The following ATP9B variants were observed in gnomAD, a reference collection of about 807,000 sequenced individuals.
ATP9B encodes ATPase phospholipid transporting 9B, also known as probable phospholipid-transporting ATPase IIB.
ATP9B carries 110 observed loss-of-function variants against 146.1 expected under a neutral mutation model. The ratio of observed to expected loss-of-function variants is 0.75; its 90% CI spans 0.65 to 0.88. The LOEUF is 0.88. Among genes scored for constraint, ATP9B ranks in the 40% least tolerant of loss-of-function variants. The pLI is 0.00. For synonymous variants in ATP9B, 604 were observed against 569.7 expected (o/e 1.06, Z -0.86); for missense variants, 1,499 against 1,496.4 (o/e 1.00, Z -0.03).
intron 18 of ATP9B, 99 bp from the exon 19 acceptor site, chr18:79,337,180 C>T: frequency 6.9e-7 from 1 of 1,444,094 alleles, no homozygotes; most frequent in Non-Finnish European, 9.5e-7. Flanking sequence ...CACATAGTCA[C>T]CTCCCCCTCT....
chr18:79,247,522 T>G (rs2095979810), intron 11 of ATP9B, among the ~76,000 whole-genome samples: 2 of 152,142 alleles, frequency 1.3e-5, no homozygotes, highest in South Asian at 4.1e-4. Context: ...GCTTGCAAAT[T>G]TTAGTAATAA....
In ATP9B at chr18:79,188,442, G is replaced by T. The variant is rs140280570; in HGVS notation, c.874-4741G>T. ...TTGTTAGAAGTTATAATCAACTGTG[G>T]TTCCTCTTACTGATGACAGTGCTTT... On this transcript the variant is annotated intron_variant, in intron 8 of 29. Coordinates refer to ENST00000426216, the MANE Select transcript of ATP9B (RefSeq NM_198531.5). Among the ~76,000 whole-genome samples, 557 of 152,226 alleles carry T rather than the reference G, an allele frequency of 3.7e-3. 3 individuals are homozygous for T. Among genetic ancestry groups the T allele is most frequent in the South Asian group, 0.024 (113 of 4,806 alleles).
rs1328262284 is a variant in ATP9B at position 79,317,717 on chromosome 18, G to A, written c.1773+10483G>A. On this transcript the variant is annotated intron_variant, in intron 15 of 29. Transcript: ENST00000426216. ...TGGTAAGTTCAGGATTATGCTGGCA[G>A]CAGTGGGATGACTGCCAAAGAGCAG... is the stretch of plus-strand genomic sequence containing the variant. Among the ~76,000 whole-genome samples the A allele has an allele frequency of 3.3e-5, 5 of 152,318 alleles. No homozygotes were observed. The East Asian group carries it at 9.6e-4, about 29-fold the overall frequency.
intron 15 of ATP9B, among the ~76,000 whole-genome samples, chr18:79,327,437 CAT>C (rs2096754032): frequency 6.6e-6 from 1 of 151,404 alleles, no homozygotes; most frequent in African/African-American, 2.4e-5. Context: ...GCGTGCTCTC[CAT>C]GGTTAGTGTG....
chr18:79,123,292 T>C (rs2094221120), intron 4 of ATP9B, among the ~76,000 whole-genome samples: 1 of 152,106 alleles, frequency 6.6e-6, no homozygotes, highest in South Asian at 2.1e-4. Context: ...CAAAATGGAA[T>C]TAGGATAACA....
intron 11 of ATP9B, among the ~76,000 whole-genome samples, chr18:79,247,807 T>G (rs189580593): frequency 1.1e-3 from 173 of 152,354 alleles, no homozygotes; most frequent in Non-Finnish European, 1.2e-3. Flanking sequence ...AAACATTTTA[T>G]ATAATAACTA....
Position 79,352,169 on chromosome 18 carries a change from C to T in ATP9B, c.2903+3973C>T, listed in dbSNP as rs554534975. Reference sequence around the variant, plus strand: ...CTGCCGGCGAGGACCTCACACACAGCGCCACATCATAGCAGCCATTCCTGG... The same window carrying T: ...CTGCCGGCGAGGACCTCACACACAGTGCCACATCATAGCAGCCATTCCTGG... On this transcript the variant is annotated intron_variant, in intron 25 of 29. Coordinates refer to ENST00000426216, the MANE Select transcript of ATP9B (RefSeq NM_198531.5). Among the ~76,000 whole-genome samples, 8 of 152,344 alleles carry T rather than the reference C, an allele frequency of 5.3e-5. No individual in the cohort carries two copies. The South Asian group carries it at 1.2e-3, about 24-fold the overall frequency.
At chr18:79,315,118 C>T (rs1014391970) in intron 15 of ATP9B, among the ~76,000 whole-genome samples, 1 of 152,166 alleles carries the variant, frequency 6.6e-6, no homozygotes, top group African/African-American at 2.4e-5. Flanking sequence ...TAGCTGTCAT[C>T]GCCTGACTCC....
intron 4 of ATP9B, among the ~76,000 whole-genome samples, chr18:79,114,657 C>A (rs533533976): frequency 6.6e-6 from 1 of 152,022 alleles, no homozygotes; most frequent in Non-Finnish European, 1.5e-5. Flanking sequence ...AATATAAACA[C>A]GAAATTACTA....
At chr18:79,178,882 T>TGG (rs2095215550) in intron 8 of ATP9B, among the ~76,000 whole-genome samples, 1 of 152,224 alleles carries the variant, frequency 6.6e-6, no homozygotes, top group Non-Finnish European at 1.5e-5. Flanking sequence ...TATAATGAGT[T>TGG]GGGGAGTCTT....
intron 12 of ATP9B, among the ~76,000 whole-genome samples, chr18:79,268,693 C>T (rs1213219463): frequency 6.6e-6 from 1 of 152,196 alleles, no homozygotes; most frequent in Non-Finnish European, 1.5e-5. Context: ...AACAATATCA[C>T]TGATTTTGTT....
intron 17 of ATP9B, among the ~76,000 whole-genome samples, chr18:79,334,678 T>C (rs1254107525): frequency 6.6e-6 from 1 of 152,120 alleles, no homozygotes; most frequent in African/African-American, 2.4e-5. Flanking sequence ...CCCCCAGACG[T>C]TGGCCCCTTG....
At chr18:79,254,619 C>G (rs1324688216) in intron 12 of ATP9B, 1 of 152,296 alleles carries the variant, frequency 6.6e-6, no homozygotes, top group African/African-American at 2.4e-5. Flanking sequence ...TTGCTGCTGA[C>G]ATAGATTTTC....
intron 17 of ATP9B, among the ~76,000 whole-genome samples, chr18:79,332,422 CCG>C (rs1430168498): frequency 7.9e-5 from 12 of 152,282 alleles, no homozygotes; most frequent in Non-Finnish European, 8.8e-5. Context: ...GAGCGAGACT[CCG>C]TCTCAAAAAA....
Position 79,187,668 on chromosome 18 carries a change from A to C in ATP9B, c.874-5515A>C, listed in dbSNP as rs553475075. ...GCTGCTGAATGGAGTGCACAAAACC[A>C]TTCCAGCAGTTCTCAGAGGACTGTG... On this transcript the variant is annotated intron_variant, in intron 8 of 29. Coordinates refer to ENST00000426216, the MANE Select transcript of ATP9B (RefSeq NM_198531.5). Among the ~76,000 whole-genome samples the C allele has an allele frequency of 8.5e-5, 13 of 152,274 alleles. No homozygotes were observed. In the South Asian group the frequency reaches 2.3e-3, roughly 27 times the overall value.
At chr18:79,363,358 G>GTTA (rs2097001829) in intron 26 of ATP9B, 1 of 5,104 alleles carries the variant, frequency 2.0e-4, no homozygotes, top group African/African-American at 1.1e-3. Context: ...ACTGTAAAAG[G>GTTA]CGTAAACAGA....
intron 1 of ATP9B, among the ~76,000 whole-genome samples, chr18:79,088,037 TATTC>T (rs1185271924): frequency 4.6e-5 from 7 of 152,244 alleles, no homozygotes. Context: ...AAAAATCCAT[TATTC>T]ATCATCTTAT....
chr18:79,158,360 A>G (rs1356221451), intron 7 of ATP9B, among the ~76,000 whole-genome samples: 1 of 152,024 alleles, frequency 6.6e-6, no homozygotes. Context: ...TATGATGATC[A>G]CTGTAACTTT....
chr18:79,232,785 A>G (rs1428615091), intron 11 of ATP9B, among the ~76,000 whole-genome samples: 1 of 152,228 alleles, frequency 6.6e-6, no homozygotes, highest in Non-Finnish European at 1.5e-5. Flanking sequence ...ATGGAAACCC[A>G]AAGAATCAAA....
Sources: allele counts gnomAD v4.1 joint callset (sites outside exome capture counted in the v4.1 genomes callset), GRCh38; gene constraint gnomAD v4.1.1; transcripts MANE v1.5; gene names NCBI Gene and HGNC (gene_info 2026-07-23, HGNC 2026-07-21).